The following RS1 variants were observed in gnomAD, a reference collection of about 807,000 sequenced individuals.
The protein encoded by RS1 is retinoschisin.
Under a neutral mutation model 20.8 loss-of-function variants are expected in RS1, and 2 were observed. The observed-to-expected ratio is 0.10, with a 90% confidence interval of 0.04 to 0.30. The LOEUF (loss-of-function observed/expected upper bound fraction) is 0.30, where lower values mean the gene tolerates loss of function less well. Among genes scored for constraint, RS1 ranks in the 10% least tolerant of loss-of-function variants. The pLI is 1.00. For synonymous variants in RS1, 70 were observed against 75.8 expected, an observed-to-expected ratio of 0.92 and a Z score of 0.40; for missense variants, 151 against 189.8, an observed-to-expected ratio of 0.80 and a Z score of 1.20.
chrX:18,653,673 A>AG (rs35662922), intron 3 of RS1: 1 of 979,407 alleles, frequency 1.0e-6, no homozygotes, highest in South Asian at 2.1e-5. Context: ...TGTGTTGTTA[A>AG]GATCAAAAAC....
chrX:18,653,631 G>C lies in RS1; in HGVS notation c.184+3022C>G, dbSNP rs977085612. On this transcript the variant is annotated intron_variant, in intron 3 of 5. Coordinates refer to ENST00000379984, the MANE Select transcript of RS1 (RefSeq NM_000330.4). Reference sequence around the variant, plus strand: ...TAACACCAATGAATCAACCATTAACGCTGAGGTTGAGTTTTCCTTTCTGAA... The same window carrying C: ...TAACACCAATGAATCAACCATTAACCCTGAGGTTGAGTTTTCCTTTCTGAA... 15 of 1,096,290 alleles carry C rather than the reference G, an allele frequency of 1.4e-5. No homozygotes were observed. The East Asian group carries it at 2.3e-4, about 17-fold the overall frequency. 90.3% of individuals were successfully genotyped at this position (1,096,290 alleles called of 1,213,427 possible). A position where few individuals can be genotyped will look rare whatever the true frequency, so the allele number is the denominator to read the frequency against.
In RS1 at chrX:18,656,817, C is replaced by T; in HGVS notation, c.79-59G>A. The stretch of plus-strand genomic sequence containing the variant: ...CACGGTCAAAGGCAACTGTGGTTGC[C>T]CCCACGGAGTGATCACACTCAGTCC... On this transcript the variant is annotated intron_variant, in intron 2 of 5. Coordinates refer to ENST00000379984, the MANE Select transcript of RS1 (RefSeq NM_000330.4). The T allele has an allele frequency of 3.1e-6, 3 of 960,461 alleles. No homozygotes were observed. In the South Asian group the frequency reaches 5.8e-5, roughly 19 times the overall value. The allele number at this position is 960,461 out of a possible 1,213,427, so 79.2% of individuals were successfully genotyped here.
At chrX:18,668,249 G>C (rs1381271708) in intron 1 of RS1, among the ~76,000 whole-genome samples, 1 of 112,372 alleles carries the variant, frequency 8.9e-6, no homozygotes, top group Non-Finnish European at 1.9e-5. Flanking sequence ...TGTGGGCTTA[G>C]ATTTATGCAA....
At chrX:18,645,957 A>G in intron 4 of RS1, 1 of 1,209,325 alleles carries the variant, frequency 8.3e-7, no homozygotes, top group Non-Finnish European at 1.1e-6. Flanking sequence ...GTGTTCTTAA[A>G]GGCAAGTCAT....
intron 3 of RS1, among the ~76,000 whole-genome samples, chrX:18,654,259 A>C (rs1391835839): frequency 9.4e-6 from 1 of 106,794 alleles, no homozygotes; most frequent in East Asian, 3.0e-4. Flanking sequence ...GGCTCAAGCG[A>C]TCTTCCCACC....
intron 5 of RS1, among the ~76,000 whole-genome samples, chrX:18,642,525 A>G (rs924437743): frequency 1.3e-4 from 15 of 112,340 alleles, no homozygotes; most frequent in African/African-American, 4.9e-4. Flanking sequence ...GTGCTGCTAG[A>G]AAATGCCACT....
rs756046821 is a variant in RS1 at position 18,639,755 on chromosome X, A to G, written c.*2249T>C. ...AGAGTGGAAACCCAAATATCCATCA[A>G]TGGATGAATGGATAAATAACAATGT... On this transcript the variant is annotated 3_prime_UTR_variant, in exon 6 of 6. Coordinates refer to ENST00000379984, the MANE Select transcript of RS1 (RefSeq NM_000330.4). Among the ~76,000 whole-genome samples the G allele has an allele frequency of 8.9e-6, 1 of 112,445 alleles. No homozygotes were observed. The highest frequency in any genetic ancestry group is 3.2e-5 in the African/African-American group (1 of 30,997).
In RS1 at chrX:18,672,076, T is replaced by C; in HGVS notation, c.-8A>G. ...TTCTATCTTGCGTGACATCTTCCCC[T>C]CGTCCTCGGCCAAAGCTCTACCTTA... On this transcript the variant is annotated 5_prime_UTR_variant, in exon 1 of 6. Transcript: ENST00000379984. 5 of 1,208,786 alleles carry C rather than the reference T, an allele frequency of 4.1e-6. No individual in the cohort carries two copies. The highest frequency in any genetic ancestry group is 5.6e-6 in the Non-Finnish European group (5 of 893,328).
rs200052722 is a variant in RS1, at chrX:18,642,082, G to T, written c.597C>A (p.Ile199=). 56 of 1,209,755 alleles carry T rather than the reference G, an allele frequency of 4.6e-5. No individual in the cohort carries two copies. Among genetic ancestry groups the T allele is most frequent in the Middle Eastern group, 2.3e-4 (1 of 4,353 alleles). Residue 199 remains isoleucine, a synonymous_variant, in exon 6 of 6, where the codon ATC becomes ATA. Transcript: ENST00000379984. ...CGTGCCAGCCCAGCGGGATGAGGCG[G>T]ATGAAGCGGGAGATGATGGGGGGCC... ...LLRPPIISRF[I]RLIPLGWHVR... is the part of the protein sequence containing the mutation.
At chrX:18,653,276 GA>G (rs771716703) in intron 3 of RS1, among the ~76,000 whole-genome samples, 5 of 111,901 alleles carry the variant, frequency 4.5e-5, no homozygotes, top group African/African-American at 6.5e-5. Context: ...GGAAGAGACA[GA>G]GCTTTTAGTA....
intron 5 of RS1, among the ~76,000 whole-genome samples, chrX:18,644,065 G>A (rs1217136671): frequency 9.0e-6 from 1 of 111,421 alleles, no homozygotes; most frequent in Admixed American, 9.6e-5. Flanking sequence ...TATATAAATG[G>A]ATGATTCTCT....
intron 3 of RS1, among the ~76,000 whole-genome samples, chrX:18,656,331 T>G (rs148078259): frequency 2.9e-4 from 32 of 111,847 alleles, no homozygotes; most frequent in African/African-American, 9.4e-4. Context: ...TTCATCGATT[T>G]CATTGAAAGT....
rs1363802597 is a variant in RS1 at position 18,644,643 on chromosome X, A to T, written c.327-18T>A. 8.3e-7 allele frequency: 1 copy of T among 1,199,498 alleles called. No homozygotes were observed. The highest frequency in any genetic ancestry group is 1.8e-5 in the South Asian group (1 of 56,345). ...AGGCACACCTGCCGAGAACATACCG[A>T]GTCACCGAGAGACTCCCCCTGTGCA... On this transcript the variant is annotated intron_variant, in intron 4 of 5. Transcript: ENST00000379984.
chrX:18,657,976 T>C (rs1265022415), intron 1 of RS1, among the ~76,000 whole-genome samples: 2 of 110,743 alleles, frequency 1.8e-5, no homozygotes, highest in African/African-American at 6.6e-5. Context: ...TCGAGACCAG[T>C]CTGGGCACTA....
chrX:18,647,295 C>T lies in RS1; in HGVS notation c.222G>A (p.Gly74=), dbSNP rs1569230207. 3 of 1,208,977 alleles carry T rather than the reference C, an allele frequency of 2.5e-6. No homozygotes were observed. The highest frequency in any genetic ancestry group is 3.4e-6 in the Non-Finnish European group (3 of 894,904). ...PYHKPLGFES[G]EVTPDQITCS... is the part of the protein sequence containing the mutation. ...AGGTGATCTGGTCCGGTGTGACCTCCCCTGACTCGAAACCCAGAGGCTTGT... is the reference window on the plus strand; with the variant it reads ...AGGTGATCTGGTCCGGTGTGACCTCTCCTGACTCGAAACCCAGAGGCTTGT... The change falls in exon 4 of 6, where the codon GGG becomes GGA. Residue 74 remains glycine (G), a synonymous_variant. Coordinates refer to ENST00000379984, the MANE Select transcript of RS1 (RefSeq NM_000330.4).
At position 18,653,477 on chromosome X, in the gene RS1, A is replaced by G. The variant is rs2147201225; in HGVS notation, c.184+3176T>C. The G allele has an allele frequency of 8.3e-7, 1 of 1,211,392 alleles. No individual in the cohort carries two copies. The highest frequency in any genetic ancestry group is 1.7e-5 in the African/African-American group (1 of 57,690). On this transcript the variant is annotated intron_variant, in intron 3 of 5. Transcript: ENST00000379984. ...CACGTTATGAGGGAAGCCCTGATTC[A>G]CAGGGCCCAGGTAAACCAAGCTGCG...
chrX:18,659,529 C>T (rs1199622134), intron 1 of RS1, among the ~76,000 whole-genome samples: 1 of 112,125 alleles, frequency 8.9e-6, no homozygotes, highest in Non-Finnish European at 1.9e-5. Flanking sequence ...GTCAAGCCAG[C>T]CACATTTCAA....
chrX:18,658,796 T>C (rs1928264982), intron 1 of RS1, among the ~76,000 whole-genome samples: 1 of 110,013 alleles, frequency 9.1e-6, no homozygotes, highest in African/African-American at 3.3e-5. Context: ...ATCATCATCA[T>C]CATCATCATC....
At chrX:18,660,260 G>GT (rs369339561) in intron 1 of RS1, among the ~76,000 whole-genome samples, 4,177 of 101,525 alleles carry the variant, frequency 0.041, 151 homozygotes, top group African/African-American at 0.11. Flanking sequence ...TCCCAGACTT[G>GT]TTTTTTTTTT....
Sources: gnomAD v4.1 joint callset for allele counts (sites outside exome capture counted in the v4.1 genomes callset) on GRCh38, gnomAD v4.1.1 for gene constraint, MANE v1.5 for transcripts, NCBI Gene and HGNC (gene_info 2026-07-23, HGNC 2026-07-21) for gene names.